Variants in PPIG observed in about 807,000 individuals in gnomAD.
The protein encoded by PPIG is peptidyl-prolyl cis-trans isomerase G.
PPIG carries 26 observed loss-of-function variants against 87.9 expected under a neutral mutation model. The observed-to-expected ratio is 0.30, with a 90% CI of 0.22 to 0.41. PPIG has a LOEUF of 0.41. Ranked by LOEUF, PPIG falls within the 10% of genes least tolerant of loss-of-function variation. The probability of loss-of-function intolerance (pLI) is 1.00; values close to 1 mark genes in which losing one functional copy is unlikely to be tolerated. For synonymous variants in PPIG, 308 were observed against 276.5 expected, an observed-to-expected ratio of 1.11 and a Z score of -1.13; for missense variants, 722 against 879.4, an observed-to-expected ratio of 0.82 and a Z score of 2.26.
chr2:169,591,341 A>C lies in PPIG; in HGVS notation c.-70+6851A>C, dbSNP rs947901561. On this transcript the variant is annotated intron_variant, in intron 1 of 13. Coordinates refer to ENST00000260970, the MANE Select transcript of PPIG (RefSeq NM_004792.3). The stretch of plus-strand genomic sequence containing the variant: ...GTTGCAGAAGTTTATAAATGATAGC[A>C]CTGTGATATTTTTAAATTGTATTAC... 2.0e-5 allele frequency among the ~76,000 whole-genome samples: 3 copies of C among 152,290 alleles called. No individual in the cohort carries two copies. The East Asian group carries it at 5.8e-4, about 29-fold the overall frequency.
intron 9 of PPIG, among the ~76,000 whole-genome samples, chr2:169,615,720 CA>C (rs35216481): frequency 0.24 from 36,630 of 152,012 alleles, 4,619 homozygotes; most frequent in Non-Finnish European, 0.27. Context: ...CAGGTTGATT[CA>C]GTATCTTAGC....
At position 169,637,528 on chromosome 2, in the gene PPIG, G is replaced by A. The variant is rs1236724890; in HGVS notation, c.*5G>A. ...GATGAAGACAAAAGCGGATGAGTGA[G>A]TTATATAAACTTACTTCCATTCTGT... On this transcript the variant is annotated 3_prime_UTR_variant, in exon 14 of 14. Transcript: ENST00000260970. 4 of 1,557,468 alleles carry A rather than the reference G, an allele frequency of 2.6e-6. No individual in the cohort carries two copies. In the South Asian group the frequency reaches 5.0e-5, roughly 19 times the overall value.
chr2:169,631,728 C>G, intron 10 of PPIG, 38 bp from the exon 11 acceptor site: 1 of 1,612,474 alleles, frequency 6.2e-7, no homozygotes, highest in South Asian at 1.1e-5. Flanking sequence ...GACATAATAA[C>G]CAACTGTAAC....
At chr2:169,600,078 A>AT (rs57602241) in intron 1 of PPIG, among the ~76,000 whole-genome samples, 453 of 142,282 alleles carry the variant, frequency 3.2e-3, no homozygotes, top group African/African-American at 9.3e-3. Context: ...GGAAAAAAAA[A>AT]TTTTTTTTTT....
At chr2:169,630,145 T>G (rs1574463385) in intron 9 of PPIG, among the ~76,000 whole-genome samples, 1 of 152,064 alleles carries the variant, frequency 6.6e-6, no homozygotes, top group Non-Finnish European at 1.5e-5. Flanking sequence ...CTCTGAGTTT[T>G]TTTTTTTTTA....
intron 9 of PPIG, among the ~76,000 whole-genome samples, chr2:169,616,691 G>T (rs1261290462): frequency 6.6e-6 from 1 of 151,844 alleles, no homozygotes; most frequent in African/African-American, 2.4e-5. Flanking sequence ...TTTTGATGGG[G>T]TGGTTTGTTT....
rs775605289 is a variant in PPIG, at chr2:169,584,494, AG to A, written c.-70+5del. 2.1e-6 allele frequency: 1 copy of A among 470,710 alleles called. No individual in the cohort carries two copies. The highest frequency in any genetic ancestry group is 1.6e-5 in the South Asian group (1 of 64,478). 29.2% of individuals were successfully genotyped at this position (470,710 alleles called of 1,614,324 possible). ...GAGGAAAACTCTACCGGTGCAGGTAAGTGGTATGAGGCTCAAGTTGTTCTGG... is the reference window on the plus strand; with the variant it reads ...GAGGAAAACTCTACCGGTGCAGGTAATGGTATGAGGCTCAAGTTGTTCTGG... On this transcript the variant is annotated splice_donor_5th_base_variant and intron_variant, in intron 1 of 13. Transcript: ENST00000260970.
chr2:169,625,251 G>A (rs569761237), intron 9 of PPIG, among the ~76,000 whole-genome samples: 1 of 152,068 alleles, frequency 6.6e-6, no homozygotes, highest in Non-Finnish European at 1.5e-5. Context: ...ACATTTATTT[G>A]GTTCGAAATT....
chr2:169,615,632 C>T (rs1361521483), intron 9 of PPIG, among the ~76,000 whole-genome samples: 3 of 152,126 alleles, frequency 2.0e-5, no homozygotes, highest in East Asian at 3.9e-4. Context: ...TCATGTTGCT[C>T]CAGATGACAG....
chr2:169,622,193 G>C (rs1685776759), intron 9 of PPIG, among the ~76,000 whole-genome samples: 1 of 152,176 alleles, frequency 6.6e-6, no homozygotes, highest in Non-Finnish European at 1.5e-5. Context: ...GGCCGAGGTG[G>C]ACGGATCACT....
chr2:169,602,404 C>T (rs1325776678), intron 1 of PPIG, among the ~76,000 whole-genome samples: 1 of 152,138 alleles, frequency 6.6e-6, no homozygotes, highest in Non-Finnish European at 1.5e-5. Context: ...CAACCTCTAC[C>T]TCCCGGGCTC....
At chr2:169,602,733 G>C (rs1685219135) in intron 1 of PPIG, among the ~76,000 whole-genome samples, 1 of 152,190 alleles carries the variant, frequency 6.6e-6, no homozygotes, top group Admixed American at 6.5e-5. Flanking sequence ...AAACTTTTCA[G>C]ATGAATAGTA....
At chr2:169,606,587 G>T (rs529736606) in intron 5 of PPIG, among the ~76,000 whole-genome samples, 41 of 13,642 alleles carry the variant, frequency 3.0e-3, no homozygotes, top group African/African-American at 0.011. Context: ...GCAAGACTCT[G>T]TCTCAAAAAA....
intron 1 of PPIG, among the ~76,000 whole-genome samples, chr2:169,598,211 C>T: frequency 6.6e-6 from 1 of 152,146 alleles, no homozygotes; most frequent in Non-Finnish European, 1.5e-5. Flanking sequence ...GTTGCCCAGG[C>T]TGGTCTCAAA....
At chr2:169,591,801 A>T (rs1201244681) in intron 1 of PPIG, among the ~76,000 whole-genome samples, 1 of 152,036 alleles carries the variant, frequency 6.6e-6, no homozygotes, top group Non-Finnish European at 1.5e-5. Flanking sequence ...TTCCAAGAAA[A>T]ATTTGTCTGG....
rs778224970 is a variant in PPIG at position 169,614,754 on chromosome 2, A to G, written c.547+30A>G. 5 of 1,568,490 alleles carry G rather than the reference A, an allele frequency of 3.2e-6. No individual in the cohort carries two copies. In the South Asian group the frequency reaches 6.0e-5, roughly 19 times the overall value. On this transcript the variant is annotated intron_variant, in intron 9 of 13. Coordinates refer to ENST00000260970, the MANE Select transcript of PPIG (RefSeq NM_004792.3). ...AAAGGAAGTACATATTTCTGAGAAT[A>G]CTTACACATACAAAATAAGCAGAGA... is the stretch of plus-strand genomic sequence containing the variant.
At chr2:169,600,264 A>G (rs1458276686) in intron 1 of PPIG, among the ~76,000 whole-genome samples, 1 of 151,912 alleles carries the variant, frequency 6.6e-6, no homozygotes, top group African/African-American at 2.4e-5. Flanking sequence ...TTGTGGAGAC[A>G]GGGTTTTGCC....
rs151308856 is a variant in PPIG at position 169,616,602 on chromosome 2, T to C, written c.547+1878T>C. ...GCTTTTCTCTAATGACCAGTGATGATGAGCTTTTTTCTTTTCATGTTTGTT... is the reference window on the plus strand; with the variant it reads ...GCTTTTCTCTAATGACCAGTGATGACGAGCTTTTTTCTTTTCATGTTTGTT... On this transcript the variant is annotated intron_variant, in intron 9 of 13. Transcript: ENST00000260970. Among the ~76,000 whole-genome samples, 387 of 152,370 alleles carry C rather than the reference T, an allele frequency of 2.5e-3. 16 individuals carry two copies. The East Asian group carries it at 0.061, about 24-fold the overall frequency.
At chr2:169,610,685 A>T (rs1248557167) in intron 7 of PPIG, among the ~76,000 whole-genome samples, 2 of 152,116 alleles carry the variant, frequency 1.3e-5, no homozygotes, top group African/African-American at 4.8e-5. Flanking sequence ...AAACATAAGC[A>T]AATACATGTA....
Sources: gnomAD v4.1 joint callset for allele counts (sites outside exome capture counted in the v4.1 genomes callset) on GRCh38, gnomAD v4.1.1 for gene constraint, MANE v1.5 for transcripts, NCBI Gene and HGNC (gene_info 2026-07-23, HGNC 2026-07-21) for gene names.